LIMCH1: variants seen among roughly 807,000 people sequenced by gnomAD.
The protein encoded by LIMCH1 is LIM and calponin homology domains 1.
Under a neutral mutation model 176.5 loss-of-function variants are expected in LIMCH1, and 113 were observed. The observed-to-expected ratio is 0.64, with a 90% CI of 0.55 to 0.75. The LOEUF is 0.75. Ranked by LOEUF, LIMCH1 falls within the 30% of genes least tolerant of loss-of-function variation. The pLI is 0.00. For synonymous variants in LIMCH1, 619 were observed against 645.9 expected (o/e 0.96, Z 0.63); for missense variants, 1,674 against 1,814.9 (o/e 0.92, Z 1.41).
At chr4:41,588,248 T>C (rs1167244486) in intron 1 of LIMCH1, among the ~76,000 whole-genome samples, 2 of 152,198 alleles carry the variant, frequency 1.3e-5, no homozygotes, top group Non-Finnish European at 2.9e-5. Flanking sequence ...TAAAAAATAA[T>C]TTTTAGATAC....
chr4:41,479,630 C>G (rs2068268718), intron 1 of LIMCH1, among the ~76,000 whole-genome samples: 1 of 152,064 alleles, frequency 6.6e-6, no homozygotes, highest in South Asian at 2.1e-4. Context: ...CAAATGTGCC[C>G]AAAACATTAA....
chr4:41,495,143 G>A (rs1205229502), intron 2 of LIMCH1, among the ~76,000 whole-genome samples: 5 of 152,144 alleles, frequency 3.3e-5, no homozygotes, highest in Non-Finnish European at 2.9e-5. Context: ...AAAGAATTCA[G>A]GGCTCCTGTG....
At chr4:41,672,199 G>A (rs907553790) in intron 22 of LIMCH1, among the ~76,000 whole-genome samples, 7 of 151,988 alleles carry the variant, frequency 4.6e-5, no homozygotes, top group African/African-American at 1.2e-4. Flanking sequence ...GTGAAACCCC[G>A]TCTCTACTGA....
At chr4:41,550,750 A>G (rs1459887284) in intron 1 of LIMCH1, among the ~76,000 whole-genome samples, 9 of 152,212 alleles carry the variant, frequency 5.9e-5, no homozygotes. Context: ...CTAAGATTAG[A>G]GAATTAATGA....
intron 1 of LIMCH1, among the ~76,000 whole-genome samples, chr4:41,468,382 C>G (rs1283739013): frequency 3.1e-5 from 3 of 96,044 alleles, no homozygotes; most frequent in Non-Finnish European, 6.5e-5. Flanking sequence ...TCCTCTCTCC[C>G]TCCCTCCCTC....
rs527949085 is a variant in LIMCH1 at position 41,613,301 on chromosome 4, C to CA, written c.10-164dup. Among the ~76,000 whole-genome samples the CA allele has an allele frequency of 3.3e-3, 509 of 152,136 alleles. 2 individuals carry two copies. The highest frequency in any genetic ancestry group is 0.012 in the African/African-American group (495 of 41,506). ...GTTGCAGCAAAGGAGGCTCCAGGAA[C>CA]AGAGCAGTGACTTTTCAAAGATGAT... On this transcript the variant is annotated intron_variant, in intron 4 of 31. Transcript: ENST00000503057.
intron 2 of LIMCH1, among the ~76,000 whole-genome samples, chr4:41,602,115 T>G (rs956484346): frequency 1.5e-5 from 2 of 129,150 alleles, no homozygotes; most frequent in African/African-American, 5.5e-5. Flanking sequence ...AGAAGAAACT[T>G]GAGTAGACCA....
chr4:41,371,294 C>T (rs768448863), intron 1 of LIMCH1, among the ~76,000 whole-genome samples: 28 of 152,166 alleles, frequency 1.8e-4, no homozygotes, highest in Non-Finnish European at 2.9e-4. Flanking sequence ...GGCTCCCAAG[C>T]ACATTCTCTG....
At chr4:41,465,774 C>A (rs760280823) in intron 1 of LIMCH1, among the ~76,000 whole-genome samples, 4 of 152,154 alleles carry the variant, frequency 2.6e-5, no homozygotes, top group Non-Finnish European at 5.9e-5. Flanking sequence ...GCTTCCTTCC[C>A]TATAGAATAG....
intron 2 of LIMCH1, among the ~76,000 whole-genome samples, chr4:41,500,249 C>T (rs560882849): frequency 6.6e-6 from 1 of 152,348 alleles, no homozygotes; most frequent in Non-Finnish European, 1.5e-5. Flanking sequence ...GCTTTAGTAT[C>T]TATTGATGAT....
intron 1 of LIMCH1, among the ~76,000 whole-genome samples, chr4:41,462,186 T>A (rs2065467471): frequency 6.6e-6 from 1 of 152,162 alleles, no homozygotes; most frequent in Non-Finnish European, 1.5e-5. Flanking sequence ...TACGATGGAT[T>A]TGGGAGGGGG....
intron 1 of LIMCH1, among the ~76,000 whole-genome samples, chr4:41,437,807 A>G (rs2062246538): frequency 6.6e-6 from 1 of 150,942 alleles, no homozygotes; most frequent in African/African-American, 2.4e-5. Context: ...TGGTTTGTTT[A>G]TGACTGTAAG....
rs376732399 is a variant in LIMCH1, at chr4:41,680,842, TGCTTGTTC to T, written c.3613-111_3613-104del. ...GAAAATAAGACTTTTTAAAATGCCC[TGCTTGTTC>T]GAACATATTCTGATTTTTTTCTAAA... On this transcript the variant is annotated intron_variant, in intron 24 of 31. Coordinates refer to ENST00000503057, the MANE Select transcript of LIMCH1 (RefSeq NM_001330672.2). The T allele has an allele frequency of 4.4e-4, 248 of 569,046 alleles. No individual in the cohort carries two copies. The East Asian group carries it at 5.9e-3, about 14-fold the overall frequency. 35.2% of individuals were successfully genotyped at this position (569,046 alleles called of 1,614,324 possible).
intron 1 of LIMCH1, among the ~76,000 whole-genome samples, chr4:41,493,013 C>A (rs1284781416): frequency 6.6e-6 from 1 of 151,924 alleles, no homozygotes; most frequent in Non-Finnish European, 1.5e-5. Context: ...ATCCAGCTTT[C>A]TTTTGATTAG....
At chr4:41,574,266 TCCCCTCCC>T (rs2084067680) in intron 1 of LIMCH1, among the ~76,000 whole-genome samples, 1 of 3,344 alleles carries the variant, frequency 3.0e-4, no homozygotes, top group African/African-American at 1.4e-3. Context: ...TCCCCTCCCC[TCCCCTCCC>T]CTCCCCTCCC....
intron 31 of LIMCH1, among the ~76,000 whole-genome samples, chr4:41,696,364 G>A (rs1730642023): frequency 6.6e-6 from 1 of 151,982 alleles, no homozygotes; most frequent in South Asian, 2.1e-4. Context: ...AACTCCCTGG[G>A]GTCTTTTCAA....
intron 1 of LIMCH1, among the ~76,000 whole-genome samples, chr4:41,404,401 G>T (rs138236293): frequency 6.6e-6 from 1 of 152,222 alleles, no homozygotes; most frequent in African/African-American, 2.4e-5. Flanking sequence ...GAGAAAGAGT[G>T]ATATCAGTAA....
At chr4:41,630,262 G>A (rs534274251) in intron 9 of LIMCH1, among the ~76,000 whole-genome samples, 1 of 152,114 alleles carries the variant, frequency 6.6e-6, no homozygotes, top group Non-Finnish European at 1.5e-5. Flanking sequence ...CACCGTGCAA[G>A]CCCCTTGTAT....
intron 1 of LIMCH1, among the ~76,000 whole-genome samples, chr4:41,590,408 A>C (rs2087303164): frequency 6.6e-6 from 1 of 151,928 alleles, no homozygotes; most frequent in African/African-American, 2.4e-5. Context: ...TAGCCTCTTA[A>C]ATGGACCCTC....
Sources: gnomAD v4.1 joint callset for allele counts (sites outside exome capture counted in the v4.1 genomes callset) on GRCh38, gnomAD v4.1.1 for gene constraint, MANE v1.5 for transcripts, NCBI Gene and HGNC (gene_info 2026-07-23, HGNC 2026-07-21) for gene names.